Variants in UNC79 observed in about 807,000 individuals in gnomAD.
The protein encoded by UNC79 is protein unc-79 homolog.
Under a neutral mutation model 283.1 loss-of-function variants are expected in UNC79, and 37 were observed. The ratio of observed to expected loss-of-function variants is 0.13; its 90% confidence interval spans 0.10 to 0.17. The LOEUF is 0.17. UNC79 is among the 10% of genes least tolerant of loss of function. The pLI is 1.00. For missense variants in UNC79, 2,272 were observed against 3,211.1 expected (o/e 0.71, Z 7.07); for synonymous variants, 1,107 against 1,200.2 (o/e 0.92, Z 1.61).
intron 26 of UNC79, among the ~76,000 whole-genome samples, chr14:93,611,907 A>G (rs1177954356): frequency 6.6e-6 from 1 of 152,172 alleles, no homozygotes; most frequent in Admixed American, 6.5e-5. Context: ...AAGAGCAAAT[A>G]TCAGTCTTCC....
At chr14:93,561,320 G>T (rs1412912436) in intron 14 of UNC79, among the ~76,000 whole-genome samples, 1 of 152,272 alleles carries the variant, frequency 6.6e-6, no homozygotes, top group East Asian at 1.9e-4. Context: ...GATATAAGGA[G>T]AAAGGTTTTT....
intron 28 of UNC79, 97 bp from the exon 30 acceptor site, chr14:93,618,095 C>T (rs564186029): frequency 1.5e-6 from 2 of 1,326,402 alleles, no homozygotes; most frequent in Admixed American, 4.5e-5. Context: ...ATATTTATCC[C>T]CAAGAGATAC....
chr14:93,373,394 C>T (rs1238962355), intron 1 of UNC79, among the ~76,000 whole-genome samples: 1 of 151,650 alleles, frequency 6.6e-6, no homozygotes, highest in East Asian at 1.9e-4. Flanking sequence ...AAACCTCTAG[C>T]CAGGCTATCT....
At chr14:93,555,364 T>C (rs926262650) in intron 14 of UNC79, among the ~76,000 whole-genome samples, 1 of 152,098 alleles carries the variant, frequency 6.6e-6, no homozygotes, top group African/African-American at 2.4e-5. Flanking sequence ...GGTAGAGTTA[T>C]AAGATTCTTC....
intron 14 of UNC79, among the ~76,000 whole-genome samples, chr14:93,546,801 G>T (rs2061622901): frequency 1.3e-5 from 2 of 152,136 alleles, no homozygotes; most frequent in Admixed American, 6.5e-5. Flanking sequence ...CTCCACTAGA[G>T]TTCTGGCAAT....
intron 41 of UNC79, 34 bp from the exon 45 acceptor site, chr14:93,682,583 C>G (rs761054797): frequency 1.3e-6 from 2 of 1,575,512 alleles, no homozygotes; most frequent in South Asian, 2.2e-5. Flanking sequence ...TCCAGATACC[C>G]TTAAAAATAA....
At chr14:93,578,389 G>T (rs1277731045) in intron 18 of UNC79, among the ~76,000 whole-genome samples, 1 of 152,090 alleles carries the variant, frequency 6.6e-6, no homozygotes, top group Non-Finnish European at 1.5e-5. Context: ...TAGTGATGAA[G>T]CTAATTTTAA....
rs540510941 is a variant in UNC79 at position 93,572,177 on chromosome 14, T to A, written c.1946+93T>A. 3.0e-6 allele frequency: 4 copies of A among 1,314,516 alleles called. No homozygotes were observed. In the East Asian group the frequency reaches 9.9e-5, roughly 33 times the overall value. The allele number at this position is 1,314,516 out of a possible 1,614,324, so 81.4% of individuals were successfully genotyped here. A position where few individuals can be genotyped will look rare whatever the true frequency, so the allele number is the denominator to read the frequency against. On this transcript the variant is annotated intron_variant, in intron 15 of 48. Transcript: ENST00000555664. Reference sequence around the variant, plus strand: ...TATGCCGGTCACCCTACTAAGCGTTTTATATAATCTCATTTATTTTTTAAC... The same window carrying A: ...TATGCCGGTCACCCTACTAAGCGTTATATATAATCTCATTTATTTTTTAAC...
At chr14:93,591,648 C>G (rs771158643) in intron 22 of UNC79, among the ~76,000 whole-genome samples, 5 of 152,204 alleles carry the variant, frequency 3.3e-5, no homozygotes, top group Non-Finnish European at 5.9e-5. Flanking sequence ...CTGCAGACCT[C>G]AAGCTATGGT....
At chr14:93,598,409 T>TGTGTGTGG (rs1266068455) in intron 24 of UNC79, among the ~76,000 whole-genome samples, 122 of 38,970 alleles carry the variant, frequency 3.1e-3, no homozygotes, top group African/African-American at 5.5e-3. Context: ...TGTGTGTGTG[T>TGTGTGTGG]GGCAGATTTT....
intron 26 of UNC79, among the ~76,000 whole-genome samples, chr14:93,610,277 A>G (rs530047163): frequency 3.5e-4 from 54 of 152,208 alleles, no homozygotes; most frequent in Non-Finnish European, 4.9e-4. Context: ...TCTCAGCACT[A>G]TAAAACAAAG....
intron 12 of UNC79, among the ~76,000 whole-genome samples, chr14:93,539,712 C>T (rs2061285750): frequency 6.6e-6 from 1 of 152,014 alleles, no homozygotes; most frequent in South Asian, 2.1e-4. Flanking sequence ...ATGATGTTAT[C>T]ACCATCATCA....
intron 24 of UNC79, among the ~76,000 whole-genome samples, 160 bp from the exon 25 acceptor site, chr14:93,600,409 G>A (rs915502588): frequency 2.6e-5 from 4 of 151,982 alleles, no homozygotes; most frequent in Admixed American, 6.5e-5. Context: ...CCAAAACTTC[G>A]AATCAAAAAA....
chr14:93,679,901 A>T (rs2073696383), intron 41 of UNC79, among the ~76,000 whole-genome samples: 1 of 152,212 alleles, frequency 6.6e-6, no homozygotes, highest in Non-Finnish European at 1.5e-5. Flanking sequence ...TATTTTGAGC[A>T]GCTCTATAAC....
chr14:93,600,556 T>C lies in UNC79; in HGVS notation c.3373-13T>C. The C allele has an allele frequency of 1.9e-6, 3 of 1,552,668 alleles. No individual in the cohort carries two copies. The highest frequency in any genetic ancestry group is 1.7e-6 in the Non-Finnish European group (2 of 1,147,122). On this transcript the variant is annotated splice_polypyrimidine_tract_variant and intron_variant, in intron 24 of 48. Coordinates refer to ENST00000555664, the Ensembl canonical transcript of UNC79. ...TTTCTTCTTTTCTTTTTTTTTTTCC[T>C]CCTCTTTCCCAGGGTCTATGTCTTT...
chr14:93,550,937 A>T (rs1393301838), intron 14 of UNC79, among the ~76,000 whole-genome samples: 4 of 152,242 alleles, frequency 2.6e-5, no homozygotes, highest in Non-Finnish European at 5.9e-5. Flanking sequence ...CTTTATTTTC[A>T]GGACTTGTTC....
chr14:93,446,913 G>C (rs1371415178), intron 1 of UNC79, among the ~76,000 whole-genome samples: 1 of 152,202 alleles, frequency 6.6e-6, no homozygotes, highest in African/African-American at 2.4e-5. Flanking sequence ...GTTGGGTAAT[G>C]TGTTGAAATC....
chr14:93,677,167 T>C (rs1055208327), intron 41 of UNC79, among the ~76,000 whole-genome samples: 2 of 152,168 alleles, frequency 1.3e-5, no homozygotes, highest in Non-Finnish European at 2.9e-5. Context: ...ATCAGAGAAA[T>C]AAAAGTGAGG....
chr14:93,667,233 G>A (rs2072306405), intron 40 of UNC79, among the ~76,000 whole-genome samples: 2 of 150,012 alleles, frequency 1.3e-5, no homozygotes, highest in African/African-American at 5.0e-5. Flanking sequence ...AGGAGGGAGA[G>A]AAGGAGGGAA....
Sources: gnomAD v4.1 joint callset for allele counts (sites outside exome capture counted in the v4.1 genomes callset) on GRCh38, gnomAD v4.1.1 for gene constraint, MANE v1.5 for transcripts, NCBI Gene and HGNC (gene_info 2026-07-23, HGNC 2026-07-21) for gene names.